Variants in ZNF283 observed in about 807,000 individuals in gnomAD.
ZNF283 encodes zinc finger protein 41.
A neutral mutation model predicts 9.2 loss-of-function variants in ZNF283; 10 were observed. That is an observed-to-expected ratio of 1.09 (90% CI 0.67 to 1.85). The LOEUF is 1.85. Ranked by LOEUF, ZNF283 falls within the 40% of genes most tolerant of loss-of-function variation. The pLI, the probability that ZNF283 is intolerant of heterozygous loss-of-function variation, is 0.00. For missense variants in ZNF283, 631 were observed against 760.1 expected (o/e 0.83, Z 2.00); for synonymous variants, 234 against 244.1 (o/e 0.96, Z 0.38).
At chr19:43,840,339 A>G (rs1249809604) in intron 6 of ZNF283, among the ~76,000 whole-genome samples, 1 of 152,172 alleles carries the variant, frequency 6.6e-6, no homozygotes, top group African/African-American at 2.4e-5. Context: ...TGGTCCCTCA[A>G]GGTAACACAA....
chr19:43,843,188 A>C (rs1332810751), intron 6 of ZNF283, among the ~76,000 whole-genome samples: 4 of 152,196 alleles, frequency 2.6e-5, no homozygotes, highest in Non-Finnish European at 5.9e-5. Flanking sequence ...TAAAAATACA[A>C]AAATTAGCTG....
At chr19:43,837,689 T>A (rs1008467948) in intron 6 of ZNF283, 1 of 153,966 alleles carries the variant, frequency 6.5e-6, no homozygotes, top group African/African-American at 2.4e-5. Context: ...GTAAACAGCA[T>A]AAGGGAATAG....
intron 4 of ZNF283, among the ~76,000 whole-genome samples, chr19:43,834,882 C>T (rs1970894451): frequency 6.6e-6 from 1 of 152,186 alleles, no homozygotes. Flanking sequence ...GCCTGAGCCA[C>T]CTCACCTGGC....
rs987487075 is a variant in ZNF283, at chr19:43,852,006, C to T, written c.*3365C>T. The T allele has an allele frequency of 6.6e-6, 1 of 152,072 alleles. No homozygotes were observed. The highest frequency in any genetic ancestry group is 1.5e-5 in the Non-Finnish European group (1 of 68,008). The allele number at this position is 152,072 out of a possible 1,614,324, so 9.4% of individuals were successfully genotyped here. On this transcript the variant is annotated 3_prime_UTR_variant, in exon 7 of 7. Coordinates refer to ENST00000618787, the MANE Select transcript of ZNF283 (RefSeq NM_181845.2). ...GTGCCTCCTGAGTTTTATTAAATGC[C>T]GTTTCACTATCTTTTTCTGCACTTC...
intron 4 of ZNF283, among the ~76,000 whole-genome samples, chr19:43,834,707 T>A (rs1194897568): frequency 6.6e-6 from 1 of 152,150 alleles, no homozygotes; most frequent in Admixed American, 6.5e-5. Context: ...GCCATTCTCC[T>A]GCCTCAGCCT....
rs369354697 is a variant in ZNF283, at chr19:43,848,573, G to A, written c.1972G>A (p.Glu658Lys). Residue 658 changes from glutamate to lysine, a missense_variant, in exon 7 of 7, where the codon GAA becomes AAA. Transcript: ENST00000618787. ...TAATGATAAACCCTACAAATATAAC[G>A]AATGTGGGGAAGCCTTTCTGTGGAC... is the stretch of plus-strand genomic sequence containing the variant. ...HSNDKPYKYN[E>K]CGEAFLWTTY... The A allele has an allele frequency of 3.3e-5, 52 of 1,593,358 alleles. No homozygotes were observed. Among genetic ancestry groups the A allele is most frequent in the Non-Finnish European group, 4.2e-5 (49 of 1,166,242 alleles).
intron 6 of ZNF283, among the ~76,000 whole-genome samples, chr19:43,844,339 TAGTA>T (rs1209173922): frequency 2.6e-5 from 4 of 152,192 alleles, no homozygotes; most frequent in Non-Finnish European, 4.4e-5. Flanking sequence ...AAAACATAAG[TAGTA>T]AGTAACTAAA....
At chr19:43,838,485 G>A (rs1003171738) in intron 6 of ZNF283, among the ~76,000 whole-genome samples, 1 of 152,078 alleles carries the variant, frequency 6.6e-6, no homozygotes, top group Non-Finnish European at 1.5e-5. Context: ...AATATTTGCT[G>A]GGCTGTGGTG....
At chr19:43,833,211 C>G (rs1970794514) in intron 3 of ZNF283, among the ~76,000 whole-genome samples, 1 of 152,022 alleles carries the variant, frequency 6.6e-6, no homozygotes, top group East Asian at 1.9e-4. Context: ...CTAAAGCTCT[C>G]ACACCAGAAC....
At chr19:43,829,702 T>G (rs753224061) in intron 2 of ZNF283, among the ~76,000 whole-genome samples, 2 of 152,080 alleles carry the variant, frequency 1.3e-5, no homozygotes, top group African/African-American at 2.4e-5. Flanking sequence ...AGTATGAAGT[T>G]GATTGTGACG....
intron 3 of ZNF283, among the ~76,000 whole-genome samples, chr19:43,832,745 G>A (rs1970768839): frequency 6.6e-6 from 1 of 152,216 alleles, no homozygotes; most frequent in African/African-American, 2.4e-5. Flanking sequence ...GCCAAGCCTG[G>A]TGGCTTGCAC....
At position 43,847,281 on chromosome 19, in the gene ZNF283, G is replaced by C; in HGVS notation, c.680G>C (p.Arg227Thr). Residue 227 changes from arginine (R) to threonine (T), a missense_variant, in exon 7 of 7, where the codon AGA becomes ACA. Coordinates refer to ENST00000618787, the MANE Select transcript of ZNF283 (RefSeq NM_181845.2). ...SHGSKLVQHE[R>T]THTAEKHFEC... ...GGCTCAAAACTTGTTCAACATGAGA[G>C]AACTCATACAGCTGAAAAACACTTT... 1 of 1,613,084 alleles carries C rather than the reference G, an allele frequency of 6.2e-7. No homozygotes were observed. The highest frequency in any genetic ancestry group is 8.5e-7 in the Non-Finnish European group (1 of 1,179,606).
chr19:43,829,507 T>A (rs1462144808), intron 2 of ZNF283, among the ~76,000 whole-genome samples: 1 of 152,210 alleles, frequency 6.6e-6, no homozygotes, highest in African/African-American at 2.4e-5. Context: ...CTGTGCCACA[T>A]CTATAAAATA....
chr19:43,845,920 G>A (rs2146579603), intron 6 of ZNF283, among the ~76,000 whole-genome samples: 1 of 152,198 alleles, frequency 6.6e-6, no homozygotes. Context: ...CAGTATTAAT[G>A]TGTTATAAGA....
intron 3 of ZNF283, 75 bp from the exon 4 acceptor site, chr19:43,833,430 G>T: frequency 5.2e-6 from 1 of 192,492 alleles, no homozygotes; most frequent in South Asian, 6.4e-5. Flanking sequence ...AATTATTTTT[G>T]GTTGAGTACC....
At chr19:43,837,950 T>C (rs1297456812) in intron 6 of ZNF283, 1 of 152,190 alleles carries the variant, frequency 6.6e-6, no homozygotes, top group Admixed American at 6.5e-5. Flanking sequence ...ATACATTGTT[T>C]TGTTGTTCTT....
chr19:43,848,899 G>T lies in ZNF283; in HGVS notation c.*258G>T. On this transcript the variant is annotated 3_prime_UTR_variant, in exon 7 of 7. Transcript: ENST00000618787. ...CTGATGTAAAATCATTTAAATGTAA[G>T]GAATGTGTGAAGATCTTCATTCATG... The T allele has an allele frequency of 3.6e-6, 1 of 281,040 alleles. No individual in the cohort carries two copies. Among genetic ancestry groups the T allele is most frequent in the Non-Finnish European group, 6.7e-6 (1 of 150,220 alleles). The allele number at this position is 281,040 out of a possible 1,614,324, so 17.4% of individuals were successfully genotyped here.
chr19:43,842,569 T>C (rs1971255577), intron 6 of ZNF283, among the ~76,000 whole-genome samples: 2 of 152,262 alleles, frequency 1.3e-5, no homozygotes, highest in African/African-American at 4.8e-5. Context: ...GTTTTATCCT[T>C]AGTCCTGGAC....
At position 43,848,349 on chromosome 19, in the gene ZNF283, G is replaced by A; in HGVS notation, c.1748G>A (p.Gly583Asp). The change falls in exon 7 of 7, where the codon GGT (glycine) becomes GAT (aspartate). Residue 583 changes from glycine to aspartate, a missense_variant. Physicochemically the swap from Gly to Asp is moderately conservative, Grantham distance 94. This residue lies in a region of ZNF283 where 444 missense variants were observed against 522.5 expected (regional missense o/e 0.85). Transcript: ENST00000618787. ...CKECGKAFSWGSSLVKHERVH... is the reference protein window; with the variant it reads ...CKECGKAFSWDSSLVKHERVH... The stretch of plus-strand genomic sequence containing the variant: ...GAATGTGGGAAGGCCTTCAGTTGGG[G>A]TTCAAGCCTAGTTAAGCATGAGAGA... 6.2e-7 allele frequency: 1 copy of A among 1,613,766 alleles called. No homozygotes were observed. The highest frequency in any genetic ancestry group is 8.5e-7 in the Non-Finnish European group (1 of 1,179,864).
Sources: allele counts gnomAD v4.1 joint callset (sites outside exome capture counted in the v4.1 genomes callset), GRCh38; gene constraint gnomAD v4.1.1; regional missense constraint gnomAD v4.1.1; transcripts MANE v1.5; gene names NCBI Gene and HGNC (gene_info 2026-07-23, HGNC 2026-07-21).